The following SETD7 variants were observed in gnomAD, a reference collection of about 807,000 sequenced individuals.
The protein encoded by SETD7 is histone-lysine N-methyltransferase SETD7.
In SETD7, 16 loss-of-function variants were observed where a neutral mutation model predicts 41.8. The observed-to-expected ratio is 0.38, with a 90% CI of 0.26 to 0.58. SETD7 has a LOEUF of 0.58. Ranked by LOEUF, SETD7 falls within the 20% of genes least tolerant of loss-of-function variation. The probability of loss-of-function intolerance (pLI) is 0.64; values close to 1 mark genes in which losing one functional copy is unlikely to be tolerated. For synonymous variants in SETD7, 163 were observed against 169.7 expected (o/e 0.96, Z 0.31); for missense variants, 346 against 459.7 (o/e 0.75, Z 2.26).
chr4:139,520,434 T>G (rs1304326662), intron 5 of SETD7, 40 bp from the exon 6 acceptor site: 1 of 1,191,038 alleles, frequency 8.4e-7, no homozygotes, highest in Admixed American at 2.0e-5. Flanking sequence ...CTTTTCAGCT[T>G]AATATGTCAT....
chr4:139,501,082 ACCT>A (rs1726565446), downstream of SETD7, among the ~76,000 whole-genome samples: 1 of 151,902 alleles, frequency 6.6e-6, no homozygotes, highest in African/African-American at 2.4e-5. Context: ...GGCCCTGCAC[ACCT>A]CCTCACCCTC....
intron 2 of SETD7, among the ~76,000 whole-genome samples, chr4:139,543,798 C>CAAAAAAAAAAAAAAAA (rs1182628309): frequency 1.7e-5 from 2 of 119,898 alleles, no homozygotes; most frequent in African/African-American, 2.9e-5. Context: ...TAAAAAAATA[C>CAAAAAAAAAAAAAAAA]AAAAAAAAAA....
Position 139,533,182 on chromosome 4 carries a change from A to T in SETD7, c.355T>A (p.Cys119Ser). The change falls in exon 3 of 8, where the codon TGC becomes AGC. Residue 119 changes from cysteine (C) to serine (S), a missense_variant. By Grantham distance (112) the Cys-to-Ser change is moderately radical (BLOSUM62 -1). Transcript: ENST00000274031. Reference sequence around the variant, plus strand: ...CGGCTTACTGGGTAATATATCCAGCACACTCCATGACGAATGTTATCTTTA... The same window carrying T: ...CGGCTTACTGGGTAATATATCCAGCTCACTCCATGACGAATGTTATCTTTA... ...QYKDNIRHGV[C>S]WIYYPDGGSL... 6.2e-7 allele frequency: 1 copy of T among 1,614,050 alleles called. No homozygotes were observed. Among genetic ancestry groups the T allele is most frequent in the Non-Finnish European group, 8.5e-7 (1 of 1,179,894 alleles).
At chr4:139,548,691 A>G (rs556123023) in intron 1 of SETD7, among the ~76,000 whole-genome samples, 1 of 152,364 alleles carries the variant, frequency 6.6e-6, no homozygotes, top group Non-Finnish European at 1.5e-5. Context: ...TTACATAAAC[A>G]TAAAATAGCT....
exon 8 of SETD7, chr4:139,496,241 C>A: frequency 1.8e-6 from 1 of 554,702 alleles, no homozygotes; most frequent in South Asian, 2.5e-5. Context: ...TATCTCTTTT[C>A]AGATCTTAAA....
At chr4:139,519,623 A>C (rs1452038292) in intron 6 of SETD7, among the ~76,000 whole-genome samples, 1 of 152,258 alleles carries the variant, frequency 6.6e-6, no homozygotes, top group Non-Finnish European at 1.5e-5. Flanking sequence ...ATAAATGCAA[A>C]GGTGAACATA....
Position 139,555,905 on chromosome 4 carries a change from C to T in SETD7, c.40+193G>A, listed in dbSNP as rs1728254200. On this transcript the variant is annotated intron_variant, in intron 1 of 7. Transcript: ENST00000274031. This position sits in a 1 kb window ranked among gnomAD's most constrained non-coding sequence, Gnocchi z 4.0. ...GCGGAGCCCCATTCTCGGCCTGCGC[C>T]CCGCCGCGCAGTGCGCGCTCCCGGC... 6.6e-6 allele frequency among the ~76,000 whole-genome samples: 1 copy of T among 151,964 alleles called. No homozygotes were observed. The highest frequency in any genetic ancestry group is 1.5e-5 in the Non-Finnish European group (1 of 67,960).
intron 6 of SETD7, among the ~76,000 whole-genome samples, chr4:139,518,697 C>A (rs1298567269): frequency 6.6e-6 from 1 of 152,010 alleles, no homozygotes; most frequent in Non-Finnish European, 1.5e-5. Flanking sequence ...ACAAATGGAA[C>A]CAGAAATGTA....
chr4:139,533,422 GAAGA>G, intron 2 of SETD7, 56 bp from the exon 3 acceptor site: 1 of 1,465,930 alleles, frequency 6.8e-7, no homozygotes, highest in East Asian at 2.4e-5. Flanking sequence ...GACTCTCTTA[GAAGA>G]AAGGATCATA....
At chr4:139,545,263 C>T (rs1418328029) in intron 2 of SETD7, among the ~76,000 whole-genome samples, 1 of 152,054 alleles carries the variant, frequency 6.6e-6, no homozygotes, top group African/African-American at 2.4e-5. Flanking sequence ...GCCTCAGCTC[C>T]CCAGCAGCTG....
At chr4:139,503,208 G>T (rs1331395421), downstream of SETD7, among the ~76,000 whole-genome samples, 2 of 150,366 alleles carry the variant, frequency 1.3e-5, no homozygotes, top group Non-Finnish European at 3.0e-5. Flanking sequence ...AAAGAAGCTG[G>T]TCTGTGTGTT....
Position 139,529,134 on chromosome 4 carries a change from G to T in SETD7, c.459C>A (p.Thr153=), listed in dbSNP as rs184537824. Residue 153 remains threonine, a synonymous_variant, in exon 4 of 8, where the codon ACC becomes ACA. Coordinates refer to ENST00000274031, the MANE Select transcript of SETD7 (RefSeq NM_030648.4). ...KIAYVYPDER[T]ALYGKFIDGE... ...CATCAATAAATTTCCCATAAAGTGC[G>T]GTCCTCTCATCAGGGTACACATAGG... 5.3e-5 allele frequency: 86 copies of T among 1,613,886 alleles called. No individual in the cohort carries two copies. The East Asian group carries it at 1.8e-3, about 34-fold the overall frequency.
intron 5 of SETD7, among the ~76,000 whole-genome samples, chr4:139,521,205 T>C (rs550307676): frequency 6.6e-6 from 1 of 152,128 alleles, no homozygotes; most frequent in East Asian, 1.9e-4. Context: ...GCGGGTGGAT[T>C]ACCTGAGGTC....
Position 139,520,385 on chromosome 4 carries a change from A to C in SETD7, c.654T>G (p.Val218=), listed in dbSNP as rs760328480. Reference sequence around the variant, plus strand: ...CAGCACTGGAAATAAGAGATTCAGCAACATAAACCCTAAATTGAAAAAAGA... The same window carrying C: ...CAGCACTGGAAATAAGAGATTCAGCCACATAAACCCTAAATTGAAAAAAGA... The part of the protein sequence containing the change: ...PDPYESERVY[V]AESLISSAGE... The change falls in exon 6 of 8, where the codon GTT becomes GTG. Residue 218 remains valine, a synonymous_variant. Transcript: ENST00000274031. The C allele has an allele frequency of 2.5e-6, 4 of 1,599,030 alleles. No homozygotes were observed. Among genetic ancestry groups the C allele is most frequent in the Non-Finnish European group, 3.4e-6 (4 of 1,170,666 alleles).
downstream of SETD7, among the ~76,000 whole-genome samples, chr4:139,503,178 A>AG (rs1385065740): frequency 4.5e-5 from 4 of 89,880 alleles, no homozygotes; most frequent in Admixed American, 1.3e-4. Flanking sequence ...ACTCTGTCTC[A>AG]GAAAAAAAAA....
intron 2 of SETD7, among the ~76,000 whole-genome samples, chr4:139,544,849 C>T (rs974288357): frequency 5.8e-4 from 74 of 127,138 alleles, no homozygotes; most frequent in African/African-American, 2.1e-3. Context: ...GAGGGGGAGG[C>T]GGAGGGGGTG....
chr4:139,517,847 G>C (rs776295023), intron 7 of SETD7, 38 bp downstream of exon 7: 4 of 1,589,648 alleles, frequency 2.5e-6, no homozygotes, highest in Non-Finnish European at 3.4e-6. Context: ...AGGGCCCTGA[G>C]GCATAGATCC....
At chr4:139,551,742 C>G (rs533049378) in intron 1 of SETD7, among the ~76,000 whole-genome samples, 1 of 152,060 alleles carries the variant, frequency 6.6e-6, no homozygotes, top group African/African-American at 2.4e-5. Flanking sequence ...ATTAATAGGC[C>G]GGGCGCGGTG....
chr4:139,503,991 TG>T (rs1362879202), downstream of SETD7, among the ~76,000 whole-genome samples: 7 of 152,162 alleles, frequency 4.6e-5, no homozygotes, highest in Non-Finnish European at 1.0e-4. Flanking sequence ...ATGTTGTGGC[TG>T]TGAGGGAGCT....
Sources: allele counts gnomAD v4.1 joint callset (sites outside exome capture counted in the v4.1 genomes callset), GRCh38; gene constraint gnomAD v4.1.1; non-coding constraint Gnocchi (gnomAD v3.1); transcripts MANE v1.5; gene names NCBI Gene and HGNC (gene_info 2026-07-23, HGNC 2026-07-21).